Variants in MYH3 observed in about 807,000 individuals in gnomAD.
The protein encoded by MYH3 is myosin heavy chain 3, also known as myosin-3.
A neutral mutation model predicts 238.0 loss-of-function variants in MYH3; 130 were observed. That is an observed-to-expected ratio of 0.55 (90% CI 0.47 to 0.63). The LOEUF (loss-of-function observed/expected upper bound fraction) is 0.63, where lower values mean the gene tolerates loss of function less well. MYH3 is among the 30% of genes least tolerant of loss of function. The pLI is 0.00. For missense variants in MYH3, 1,853 were observed against 2,374.9 expected (o/e 0.78, Z 4.57); for synonymous variants, 880 against 924.1 (o/e 0.95, Z 0.86).
chr17:10,656,579 G>T (rs1252358790), intron 1 of MYH3, among the ~76,000 whole-genome samples: 1 of 150,304 alleles, frequency 6.7e-6, no homozygotes, highest in Non-Finnish European at 1.5e-5. Context: ...ACTTTAAAGA[G>T]GCAGGCTGGA....
rs568916955 is a variant in MYH3, at chr17:10,633,576, C to T, written c.4647+15G>A. 9 of 1,612,170 alleles carry T rather than the reference C, an allele frequency of 5.6e-6. No individual in the cohort carries two copies. Among genetic ancestry groups the T allele is most frequent in the Non-Finnish European group, 6.8e-6 (8 of 1,179,868 alleles). On this transcript the variant is annotated intron_variant, in intron 33 of 40. Transcript: ENST00000583535. Reference sequence around the variant, plus strand: ...ATGGCTGCATCTGCGCCTGAGCCTGCCTCCCAGCACTCACCTCTGCTTCCT... The same window carrying T: ...ATGGCTGCATCTGCGCCTGAGCCTGTCTCCCAGCACTCACCTCTGCTTCCT...
In MYH3 at chr17:10,640,459, T is replaced by C. The variant is rs1228696043; in HGVS notation, c.2300A>G (p.Lys767Arg). Residue 767 changes from lysine (K) to arginine (R), a missense_variant, in exon 21 of 41, where the codon AAG becomes AGG. By Grantham distance (26) the Lys-to-Arg change is conservative. Transcript: ENST00000583535. ...TTCCAGGGTTCCCAGCAAGCCAGCCTTGAAGAACACCTTATGGGGCAGAAG... is the reference window on the plus strand; with the variant it reads ...TTCCAGGGTTCCCAGCAAGCCAGCCCTGAAGAACACCTTATGGGGCAGAAG... ...YKFGHTKVFF[K>R]AGLLGTLEEM... is the part of the protein sequence containing the mutation. The C allele has an allele frequency of 1.2e-6, 2 of 1,614,204 alleles. No homozygotes were observed. The highest frequency in any genetic ancestry group is 1.6e-4 in the Middle Eastern group (1 of 6,062).
chr17:10,667,497 C>T, the MYH3 span, among the ~76,000 whole-genome samples: 7 of 151,882 alleles, frequency 4.6e-5, no homozygotes, highest in South Asian at 4.2e-4. Flanking sequence ...GCCTGGCCAA[C>T]GTGGTAAAAC....
chr17:10,666,197 A>G, the MYH3 span, among the ~76,000 whole-genome samples: 1 of 152,242 alleles, frequency 6.6e-6, no homozygotes, highest in Non-Finnish European at 1.5e-5. Flanking sequence ...AAGGCCCACC[A>G]TGACTCAAAA....
At chr17:10,673,968 T>C in the MYH3 span, 1 of 152,200 alleles carries the variant, frequency 6.6e-6, no homozygotes, top group Admixed American at 6.5e-5. Context: ...CGAAATTAAA[T>C]AAAGAGCTTC....
At chr17:10,657,612 G>A (rs1305866750), upstream of MYH3, among the ~76,000 whole-genome samples, 3 of 152,136 alleles carry the variant, frequency 2.0e-5, no homozygotes, top group African/African-American at 4.8e-5. Flanking sequence ...AGCCACCTCC[G>A]TTCTCAGGCG....
rs2074175268 is a variant in MYH3, at chr17:10,632,629, G to A, written c.4803C>T (p.Ala1601=). 2 of 1,613,952 alleles carry A rather than the reference G, an allele frequency of 1.2e-6. No homozygotes were observed. Among genetic ancestry groups the A allele is most frequent in the African/African-American group, 2.7e-5 (2 of 74,888 alleles). ...YQRTVETMQS[A]LDAEVRSRNE... ...TCCTGCTCCGCACCTCGGCGTCCAG[G>A]GCGCTCTGCATGGTTTCCACTGTTC... The change falls in exon 34 of 41, where the codon GCC becomes GCT. Residue 1601 remains alanine (A), a synonymous_variant. Coordinates refer to ENST00000583535, the MANE Select transcript of MYH3 (RefSeq NM_002470.4).
At chr17:10,640,774 G>A (rs1241680444) in intron 19 of MYH3, 88 bp from the exon 20 acceptor site, 1 of 1,500,260 alleles carries the variant, frequency 6.7e-7, no homozygotes, top group African/African-American at 1.4e-5. Flanking sequence ...CTTCCTATAG[G>A]CAGAAGGCCA....
intron 4 of MYH3, 152 bp downstream of exon 4, chr17:10,652,268 T>G: frequency 1.0e-6 from 1 of 996,352 alleles, no homozygotes. Flanking sequence ...CTTGCTTTCT[T>G]GCCTTCTTTC....
chr17:10,652,368 C>G, intron 4 of MYH3, 52 bp downstream of exon 4: 1 of 1,604,784 alleles, frequency 6.2e-7, no homozygotes, highest in Admixed American at 1.7e-5. Flanking sequence ...CCTCCCTCCC[C>G]TGCCCGCATA....
At chr17:10,665,437 C>T in the MYH3 span, among the ~76,000 whole-genome samples, 3 of 152,162 alleles carry the variant, frequency 2.0e-5, no homozygotes, top group Non-Finnish European at 4.4e-5. Context: ...GCCACCGAAC[C>T]CAGACTATAA....
the MYH3 span, among the ~76,000 whole-genome samples, chr17:10,667,224 G>A: frequency 4.6e-5 from 7 of 152,126 alleles, no homozygotes; most frequent in African/African-American, 1.7e-4. Flanking sequence ...AGGAACCTAC[G>A]GTAAGAGATA....
chr17:10,661,691 A>C (rs1429209305), upstream of MYH3, among the ~76,000 whole-genome samples: 1 of 152,170 alleles, frequency 6.6e-6, no homozygotes, highest in African/African-American at 2.4e-5. Context: ...TTTGATGTTC[A>C]GTCCTGAGAA....
Position 10,654,744 on chromosome 17 carries a change from G to A in MYH3, c.204+117C>T, listed in dbSNP as rs761042117. On this transcript the variant is annotated intron_variant, in intron 3 of 40. Transcript: ENST00000583535. This position sits in a 1 kb window ranked among gnomAD's most constrained non-coding sequence, Gnocchi z 4.5. ...GGAAGCCCCAGGCTACATTGTATGCGGCATTCCAGTGCTGGAACCACATCT... is the reference window on the plus strand; with the variant it reads ...GGAAGCCCCAGGCTACATTGTATGCAGCATTCCAGTGCTGGAACCACATCT... The A allele has an allele frequency of 8.2e-5, 78 of 945,686 alleles. No individual in the cohort carries two copies. The highest frequency in any genetic ancestry group is 4.5e-4 in the Middle Eastern group (2 of 4,468). The allele number at this position is 945,686 out of a possible 1,614,324, so 58.6% of individuals were successfully genotyped here.
intron 10 of MYH3, 94 bp from the exon 11 acceptor site, chr17:10,646,126 A>G (rs1162484583): frequency 2.1e-6 from 2 of 965,714 alleles, no homozygotes; most frequent in Admixed American, 2.0e-5. Flanking sequence ...TGGAACTTTT[A>G]CCGCTGGATC....
chr17:10,665,951 G>A, the MYH3 span, among the ~76,000 whole-genome samples: 138 of 152,200 alleles, frequency 9.1e-4, no homozygotes, highest in African/African-American at 3.0e-3. Context: ...AAGGAGGCCC[G>A]GATACTTATG....
At chr17:10,675,651 G>A in the MYH3 span, 2 of 152,048 alleles carry the variant, frequency 1.3e-5, no homozygotes, top group African/African-American at 4.8e-5. Flanking sequence ...GCACTATTCT[G>A]ACTTTTAACA....
intron 28 of MYH3, 22 bp downstream of exon 28, chr17:10,637,787 G>A (rs535558881): frequency 5.3e-5 from 86 of 1,613,684 alleles, no homozygotes; most frequent in South Asian, 2.6e-4. Flanking sequence ...TTGGCCCCAC[G>A]GGTTTTCTGC....
At position 10,629,852 on chromosome 17, in the gene MYH3, G is replaced by A. The variant is rs770070846; in HGVS notation, c.5648C>T (p.Ala1883Val). Residue 1883 changes from alanine (A) to valine (V), a missense_variant, in exon 39 of 41, where the codon GCG becomes GTG. Coordinates refer to ENST00000583535, the MANE Select transcript of MYH3 (RefSeq NM_002470.4). Reference sequence around the variant, plus strand: ...ACCTATCTCACTTACAGCCTCCTCCGCCTGCCTCTTGTAGGACTTGACTTT... The same window carrying A: ...ACCTATCTCACTTACAGCCTCCTCCACCTGCCTCTTGTAGGACTTGACTTT... ...QVKVKSYKRQAEEADEQANAH... is the reference protein window; with the variant it reads ...QVKVKSYKRQVEEADEQANAH... 16 of 1,613,192 alleles carry A rather than the reference G, an allele frequency of 9.9e-6. No individual in the cohort carries two copies. The East Asian group carries it at 2.2e-4, about 22-fold the overall frequency.
Sources: gnomAD v4.1 joint callset for allele counts (sites outside exome capture counted in the v4.1 genomes callset) on GRCh38, gnomAD v4.1.1 for gene constraint, Gnocchi (gnomAD v3.1) non-coding constraint, MANE v1.5 for transcripts, NCBI Gene and HGNC (gene_info 2026-07-23, HGNC 2026-07-21) for gene names.